Variants in GALR1 observed in about 807,000 individuals in gnomAD.
GALR1 encodes the protein galanin receptor type 1.
A neutral mutation model predicts 17.9 loss-of-function variants in GALR1; 11 were observed. The observed-to-expected ratio is 0.62, with a 90% CI of 0.39 to 1.02. GALR1 has a LOEUF of 1.02. Among genes scored for constraint, GALR1 ranks in the 50% least tolerant of loss-of-function variants. The pLI, the probability that GALR1 is intolerant of heterozygous loss-of-function variation, is 0.01. For missense variants in GALR1, 441 were observed against 456.9 expected, an observed-to-expected ratio of 0.97 and a Z score of 0.32; for synonymous variants, 206 against 205.7, an observed-to-expected ratio of 1.00 and a Z score of -0.01.
intron 1 of GALR1, among the ~76,000 whole-genome samples, chr18:77,255,357 A>G (rs1912561821): frequency 6.6e-6 from 1 of 152,248 alleles, no homozygotes; most frequent in Non-Finnish European, 1.5e-5. Flanking sequence ...AAAGACAAAA[A>G]TAGTTTCTGT....
In GALR1 at chr18:77,270,836, G is replaced by T. The variant is rs1284080328; in HGVS notation, c.*1934G>T. The T allele has an allele frequency of 6.6e-6, 1 of 152,152 alleles. No homozygotes were observed. Among genetic ancestry groups the T allele is most frequent in the African/African-American group, 2.4e-5 (1 of 41,442 alleles). The allele number at this position is 152,152 out of a possible 1,614,324, so 9.4% of individuals were successfully genotyped here. A position where few individuals can be genotyped will look rare whatever the true frequency, so the allele number is the denominator to read the frequency against. ...TTTATGTGTAAGTGAGGGTCTTAAA[G>T]AATATGTCCTTTGCATCGAATGTTT... On this transcript the variant is annotated 3_prime_UTR_variant, in exon 3 of 3. Transcript: ENST00000299727.
chr18:77,261,387 T>G (rs1912827763), intron 2 of GALR1, among the ~76,000 whole-genome samples: 1 of 151,986 alleles, frequency 6.6e-6, no homozygotes. Flanking sequence ...TGTAAGAGAG[T>G]AGAAAGAATC....
chr18:77,252,860 C>CCAT (rs1912453751), intron 1 of GALR1, among the ~76,000 whole-genome samples: 2 of 96,376 alleles, frequency 2.1e-5, no homozygotes, highest in South Asian at 3.1e-4. Context: ...CAAAACACCA[C>CCAT]CACCACCACC....
At chr18:77,265,157 T>A (rs1380116641) in intron 2 of GALR1, among the ~76,000 whole-genome samples, 1 of 152,190 alleles carries the variant, frequency 6.6e-6, no homozygotes, top group Non-Finnish European at 1.5e-5. Context: ...ACGTACCTAT[T>A]ATACTTCCTA....
At chr18:77,259,496 T>TCAC (rs1912774556) in intron 2 of GALR1, among the ~76,000 whole-genome samples, 1 of 147,484 alleles carries the variant, frequency 6.8e-6, no homozygotes, top group Non-Finnish European at 1.5e-5. Context: ...GTGATGGTGG[T>TCAC]GGTGGTGATG....
In GALR1 at chr18:77,258,943, T is replaced by C. The variant is rs1330228480; in HGVS notation, c.732+2720T>C. Among the ~76,000 whole-genome samples the C allele has an allele frequency of 1.2e-3, 155 of 130,202 alleles. 1 individual carries two copies. Among genetic ancestry groups the C allele is most frequent in the Middle Eastern group, 8.5e-3 (2 of 236 alleles). The allele number at this position is 130,202 out of a possible 152,430, so 85.4% of individuals were successfully genotyped here. On this transcript the variant is annotated intron_variant, in intron 2 of 2. Transcript: ENST00000299727. ...GTGATGATGGTCATGGTGGTGATGA[T>C]GGTGGTCATGGTGGTCATGGTGGCG...
At position 77,256,242 on chromosome 18, in the gene GALR1, T is replaced by C. The variant is rs760279775; in HGVS notation, c.732+19T>C. On this transcript the variant is annotated intron_variant, in intron 2 of 2. Transcript: ENST00000299727. The stretch of plus-strand genomic sequence containing the variant: ...GAAAAAGGTAATGATCACAAATATA[T>C]ATATATATGTTACTTTTCAGAGCTT... 3.8e-6 allele frequency: 5 copies of C among 1,325,460 alleles called. No individual in the cohort carries two copies. The highest frequency in any genetic ancestry group is 5.4e-6 in the Non-Finnish European group (5 of 923,718). The allele number at this position is 1,325,460 out of a possible 1,614,324, so 82.1% of individuals were successfully genotyped here.
Position 77,277,864 on chromosome 18 carries a change from G to A in GALR1, c.*8962G>A, listed in dbSNP as rs1568146742. The stretch of plus-strand genomic sequence containing the variant: ...ATAATTGGCCTTTGTGATGGAACCA[G>A]TTTTCTTGCATTGAAAATAAAATTT... On this transcript the variant is annotated 3_prime_UTR_variant, in exon 3 of 3. Coordinates refer to ENST00000299727, the MANE Select transcript of GALR1 (RefSeq NM_001480.4). 1 of 152,158 alleles carries A rather than the reference G, an allele frequency of 6.6e-6. No homozygotes were observed. The highest frequency in any genetic ancestry group is 1.9e-4 in the East Asian group (1 of 5,196). The allele number at this position is 152,158 out of a possible 1,614,324, so 9.4% of individuals were successfully genotyped here.
chr18:77,273,003 A>G lies in GALR1; in HGVS notation c.*4101A>G, dbSNP rs879730232. On this transcript the variant is annotated 3_prime_UTR_variant, in exon 3 of 3. Coordinates refer to ENST00000299727, the MANE Select transcript of GALR1 (RefSeq NM_001480.4). Reference sequence around the variant, plus strand: ...GAGAGTGTATCGTGTATTGTGATGCATTAGCAGGATGTTTTGTTCATCGAC... The same window carrying G: ...GAGAGTGTATCGTGTATTGTGATGCGTTAGCAGGATGTTTTGTTCATCGAC... The G allele has an allele frequency of 6.6e-6, 1 of 152,256 alleles. No homozygotes were observed. The highest frequency in any genetic ancestry group is 6.5e-5 in the Admixed American group (1 of 15,288). The allele number at this position is 152,256 out of a possible 1,614,324, so 9.4% of individuals were successfully genotyped here.
At chr18:77,254,173 C>T (rs559165652) in intron 1 of GALR1, among the ~76,000 whole-genome samples, 5 of 152,268 alleles carry the variant, frequency 3.3e-5, no homozygotes, top group Admixed American at 1.3e-4. Context: ...CAGAAATTTA[C>T]AGACTCACCA....
In GALR1 at chr18:77,250,709, T is replaced by C. The variant is rs758160503; in HGVS notation, c.161T>C (p.Val54Ala). 46 of 1,613,492 alleles carry C rather than the reference T, an allele frequency of 2.9e-5. No individual in the cohort carries two copies. Among genetic ancestry groups the C allele is most frequent in the Non-Finnish European group, 3.9e-5 (46 of 1,179,948 alleles). The part of the protein sequence containing the change: ...FALGVLGNSL[V>A]ITVLARSKPG... ...CTGGGTGTGCTGGGCAACAGCCTAG[T>C]GATCACCGTGCTGGCGCGCAGCAAG... Residue 54 changes from valine to alanine, a missense_variant, in exon 1 of 3, where the codon GTG (valine) becomes GCG (alanine). Val to Ala is a moderately conservative substitution (Grantham distance 64). Transcript: ENST00000299727.
At chr18:77,257,400 T>C (rs73971925) in intron 2 of GALR1, among the ~76,000 whole-genome samples, 213 of 152,352 alleles carry the variant, frequency 1.4e-3, no homozygotes, top group African/African-American at 4.9e-3. Context: ...CTTTATTCCA[T>C]TGATCCTTTC....
At chr18:77,264,325 T>C (rs567374010) in intron 2 of GALR1, among the ~76,000 whole-genome samples, 70 of 152,232 alleles carry the variant, frequency 4.6e-4, no homozygotes, top group African/African-American at 1.3e-3. Context: ...GTCTCAGTCA[T>C]GGAGTCACTT....
intron 1 of GALR1, among the ~76,000 whole-genome samples, chr18:77,251,774 C>A (rs1912424117): frequency 6.6e-6 from 1 of 152,220 alleles, no homozygotes; most frequent in Admixed American, 6.5e-5. Flanking sequence ...GCGGGGCGGC[C>A]CCTCTCCCCC....
chr18:77,259,619 G>A (rs1912781600), intron 2 of GALR1, among the ~76,000 whole-genome samples: 2 of 151,160 alleles, frequency 1.3e-5, no homozygotes, highest in African/African-American at 4.9e-5. Context: ...GGTGGTGGTG[G>A]CGATGGTGCC....
intron 2 of GALR1, among the ~76,000 whole-genome samples, chr18:77,266,575 T>C (rs1169095829): frequency 1.3e-5 from 2 of 152,206 alleles, no homozygotes; most frequent in Admixed American, 1.3e-4. Context: ...CTAAGAGACA[T>C]ACTCAAGACT....
Position 77,250,425 on chromosome 18 carries a change from A to AG in GALR1, c.-123dup. On this transcript the variant is annotated 5_prime_UTR_variant, in exon 1 of 3. Coordinates refer to ENST00000299727, the MANE Select transcript of GALR1 (RefSeq NM_001480.4). Reference sequence around the variant, plus strand: ...TCCCGCTGGCTCGCGCCTCGGGGGAAGCTCAGACTCCTAAACTCGCACTCT... The same window carrying AG: ...TCCCGCTGGCTCGCGCCTCGGGGGAAGGCTCAGACTCCTAAACTCGCACTCT... The AG allele has an allele frequency of 1.0e-6, 1 of 993,606 alleles. No individual in the cohort carries two copies. Among genetic ancestry groups the AG allele is most frequent in the Non-Finnish European group, 1.4e-6 (1 of 731,940 alleles). 61.5% of individuals were successfully genotyped at this position (993,606 alleles called of 1,614,324 possible).
rs149296478 is a variant in GALR1 at position 77,265,239 on chromosome 18, G to T, written c.733-3346G>T. Among the ~76,000 whole-genome samples, 277 of 152,276 alleles carry T rather than the reference G, an allele frequency of 1.8e-3. 1 individual carries two copies. Among genetic ancestry groups the T allele is most frequent in the African/African-American group, 6.3e-3 (261 of 41,542 alleles). On this transcript the variant is annotated intron_variant, in intron 2 of 2. Coordinates refer to ENST00000299727, the MANE Select transcript of GALR1 (RefSeq NM_001480.4). ...AGGAGAAATTAGCCAAAACAAAGAG[G>T]CTACAGGCCCCATGCAAATCTGAAA...
In GALR1 at chr18:77,270,045, T is replaced by C. The variant is rs1003467002; in HGVS notation, c.*1143T>C. ...TAATTTGGGGTTAAAACCATCACCA[T>C]TTGAATTTCAAATGTAGTTTTCATG... On this transcript the variant is annotated 3_prime_UTR_variant, in exon 3 of 3. Coordinates refer to ENST00000299727, the MANE Select transcript of GALR1 (RefSeq NM_001480.4). 6.6e-6 allele frequency: 1 copy of C among 152,254 alleles called. No homozygotes were observed. The highest frequency in any genetic ancestry group is 1.5e-5 in the Non-Finnish European group (1 of 68,048). The allele number at this position is 152,254 out of a possible 1,614,324, so 9.4% of individuals were successfully genotyped here. A position where few individuals can be genotyped will look rare whatever the true frequency, so the allele number is the denominator to read the frequency against.
Sources: allele counts gnomAD v4.1 joint callset (sites outside exome capture counted in the v4.1 genomes callset), GRCh38; gene constraint gnomAD v4.1.1; transcripts MANE v1.5; gene names NCBI Gene and HGNC (gene_info 2026-07-23, HGNC 2026-07-21).